Variants in LINGO2 observed in about 807,000 individuals in gnomAD.
LINGO2 encodes leucine rich repeat and Ig domain containing 2.
In LINGO2, 14 loss-of-function variants were observed where a neutral mutation model predicts 30.6. The ratio of observed to expected loss-of-function variants is 0.46; its 90% CI spans 0.30 to 0.72. The LOEUF (loss-of-function observed/expected upper bound fraction) is 0.72. LINGO2 is among the 30% of genes least tolerant of loss of function. The pLI is 0.07. For synonymous variants in LINGO2, 317 were observed against 288.5 expected, an observed-to-expected ratio of 1.10 and a Z score of -1.00; for missense variants, 729 against 751.7, an observed-to-expected ratio of 0.97 and a Z score of 0.35.
At chr9:29,083,518 A>T in the LINGO2 span, among the ~76,000 whole-genome samples, 1 of 152,096 alleles carries the variant, frequency 6.6e-6, no homozygotes, top group Non-Finnish European at 1.5e-5. Context: ...CCAACATGGC[A>T]CATGTATACA....
At chr9:27,972,064 C>CT (rs1388083046) in intron 5 of LINGO2, among the ~76,000 whole-genome samples, 21 of 151,868 alleles carry the variant, frequency 1.4e-4, no homozygotes, top group Middle Eastern at 3.4e-3. Context: ...ATAATGGGTA[C>CT]TGCAATGGAA....
the LINGO2 span, among the ~76,000 whole-genome samples, chr9:28,852,121 T>C: frequency 2.6e-5 from 4 of 151,992 alleles, no homozygotes; most frequent in African/African-American, 7.2e-5. Context: ...AAAGAGCATA[T>C]GCTGGATCCA....
intron 4 of LINGO2, among the ~76,000 whole-genome samples, chr9:28,256,503 T>C (rs1373635101): frequency 6.6e-6 from 1 of 151,834 alleles, no homozygotes; most frequent in Admixed American, 6.6e-5. Context: ...AAACAAATAA[T>C]TGCATTAAAT....
the LINGO2 span, among the ~76,000 whole-genome samples, chr9:29,081,146 T>A: frequency 6.6e-6 from 1 of 152,006 alleles, no homozygotes; most frequent in Admixed American, 6.6e-5. Context: ...TTGACCAATA[T>A]CCCTGATGAA....
chr9:27,992,227 AT>A (rs1821432889), intron 5 of LINGO2, among the ~76,000 whole-genome samples: 1 of 152,094 alleles, frequency 6.6e-6, no homozygotes, highest in African/African-American at 2.4e-5. Flanking sequence ...GACTTTATAT[AT>A]GTGTGCTTAA....
intron 1 of LINGO2, among the ~76,000 whole-genome samples, chr9:28,499,824 A>C (rs1158694529): frequency 6.6e-6 from 1 of 152,166 alleles, no homozygotes; most frequent in African/African-American, 2.4e-5. Context: ...CATTTCTCAC[A>C]GGAAGCCTTT....
At chr9:28,894,971 G>C in the LINGO2 span, among the ~76,000 whole-genome samples, 1 of 151,976 alleles carries the variant, frequency 6.6e-6, no homozygotes, top group South Asian at 2.1e-4. Context: ...CTGAAATTTT[G>C]TATCCTTTCA....
chr9:29,059,565 C>T, the LINGO2 span, among the ~76,000 whole-genome samples: 1 of 151,670 alleles, frequency 6.6e-6, no homozygotes, highest in Non-Finnish European at 1.5e-5. Context: ...AAAAGACCAA[C>T]ATTAGACACA....
intron 4 of LINGO2, among the ~76,000 whole-genome samples, chr9:28,228,620 A>G (rs111458473): frequency 6.6e-6 from 1 of 152,128 alleles, no homozygotes; most frequent in East Asian, 1.9e-4. Context: ...TTGAATATTC[A>G]AGTAGCCTGA....
At chr9:28,566,577 G>A (rs1823394984) in intron 1 of LINGO2, among the ~76,000 whole-genome samples, 1 of 152,100 alleles carries the variant, frequency 6.6e-6, no homozygotes, top group Non-Finnish European at 1.5e-5. Flanking sequence ...TGTGTATGGG[G>A]TAATTGATGC....
At chr9:28,318,498 G>A (rs980211705) in intron 3 of LINGO2, among the ~76,000 whole-genome samples, 2 of 152,088 alleles carry the variant, frequency 1.3e-5, no homozygotes, top group Non-Finnish European at 2.9e-5. Context: ...AGTTCAAAAA[G>A]GTTAAATAGC....
At chr9:29,188,758 C>T in the LINGO2 span, among the ~76,000 whole-genome samples, 1 of 141,320 alleles carries the variant, frequency 7.1e-6, no homozygotes, top group Non-Finnish European at 1.6e-5. Flanking sequence ...AGGGGCTCCT[C>T]ACTTCCCAGT....
intron 2 of LINGO2, among the ~76,000 whole-genome samples, chr9:28,471,725 A>G (rs1343929554): frequency 6.6e-6 from 1 of 152,206 alleles, no homozygotes; most frequent in Non-Finnish European, 1.5e-5. Context: ...GTGGGAATAC[A>G]AATTGGTTTA....
the LINGO2 span, among the ~76,000 whole-genome samples, chr9:28,860,765 G>C: frequency 1.0e-3 from 153 of 148,888 alleles, no homozygotes; most frequent in Admixed American, 1.6e-3. Flanking sequence ...AATAGATATA[G>C]TCAATGATGA....
At chr9:28,315,943 G>A (rs1377380612) in intron 3 of LINGO2, among the ~76,000 whole-genome samples, 2 of 152,150 alleles carry the variant, frequency 1.3e-5, no homozygotes, top group Admixed American at 1.3e-4. Flanking sequence ...CAGATCTTCT[G>A]AGTTTCAAAT....
At chr9:28,848,064 TATATA>T in the LINGO2 span, among the ~76,000 whole-genome samples, 6 of 25,582 alleles carry the variant, frequency 2.3e-4, 1 homozygote, top group Non-Finnish European at 4.3e-4. Flanking sequence ...TATATATATG[TATATA>T]ATATATATAT....
intron 4 of LINGO2, among the ~76,000 whole-genome samples, chr9:28,137,069 C>A (rs563739698): frequency 6.6e-6 from 1 of 152,178 alleles, no homozygotes; most frequent in African/African-American, 2.4e-5. Context: ...TGGCACTATA[C>A]CACTGGCTGC....
At chr9:28,708,350 G>T in the LINGO2 span, among the ~76,000 whole-genome samples, 1 of 152,142 alleles carries the variant, frequency 6.6e-6, no homozygotes, top group African/African-American at 2.4e-5. Flanking sequence ...CCCAAGGAGA[G>T]CTCCTTTGTT....
At chr9:28,636,866 T>G (rs552408491) in intron 1 of LINGO2, among the ~76,000 whole-genome samples, 15 of 152,302 alleles carry the variant, frequency 9.8e-5, no homozygotes, top group African/African-American at 2.9e-4. Flanking sequence ...TTGCCACTGC[T>G]TTTGGTGTTT....
Sources: allele counts gnomAD v4.1 joint callset (sites outside exome capture counted in the v4.1 genomes callset), GRCh38; gene constraint gnomAD v4.1.1; transcripts MANE v1.5; gene names NCBI Gene and HGNC (gene_info 2026-07-23, HGNC 2026-07-21).